Variants in CENPW observed in about 807,000 individuals in gnomAD.
The protein encoded by CENPW is cancer-up-regulated gene 2 protein.
A neutral mutation model predicts 11.1 loss-of-function variants in CENPW; 3 were observed. The ratio of observed to expected loss-of-function variants is 0.27; its 90% CI spans 0.12 to 0.70. The LOEUF (loss-of-function observed/expected upper bound fraction) is 0.70. Ranked by LOEUF, CENPW falls within the 30% of genes least tolerant of loss-of-function variation. The pLI is 0.77. For missense variants in CENPW, 100 were observed against 105.6 expected (o/e 0.95, Z 0.23); for synonymous variants, 38 against 42.0 (o/e 0.91, Z 0.37).
the CENPW span, among the ~76,000 whole-genome samples, chr6:126,475,654 C>A: frequency 1.3e-5 from 2 of 151,896 alleles, no homozygotes; most frequent in Admixed American, 6.6e-5. Flanking sequence ...GTCACTTAAC[C>A]TTTCTTATGT....
chr6:126,432,380 C>A, the CENPW span, among the ~76,000 whole-genome samples: 2 of 152,166 alleles, frequency 1.3e-5, no homozygotes, highest in African/African-American at 4.8e-5. Flanking sequence ...TGCTGCAAGG[C>A]CATTAGCAAG....
chr6:126,445,863 T>G, the CENPW span, among the ~76,000 whole-genome samples: 1 of 151,246 alleles, frequency 6.6e-6, no homozygotes, highest in Non-Finnish European at 1.5e-5. Flanking sequence ...AAATGTTTTC[T>G]TCTCACCTAA....
At chr6:126,401,563 AGAG>A in the CENPW span, among the ~76,000 whole-genome samples, 3 of 152,028 alleles carry the variant, frequency 2.0e-5, no homozygotes, top group Admixed American at 2.0e-4. Flanking sequence ...CCACAGGAGC[AGAG>A]GAATTTTTTT....
the CENPW span, among the ~76,000 whole-genome samples, chr6:126,421,582 CT>C: frequency 0.43 from 61,575 of 143,414 alleles, 14,893 homozygotes; most frequent in East Asian, 0.95. Flanking sequence ...CTAACACTTT[CT>C]TTTTTTTTTT....
the CENPW span, among the ~76,000 whole-genome samples, chr6:126,452,569 G>A: frequency 6.6e-6 from 1 of 150,750 alleles, no homozygotes; most frequent in Non-Finnish European, 1.5e-5. Context: ...TGGGTCAATA[G>A]GAATTATATA....
intron 1 of CENPW, 190 bp downstream of exon 1, chr6:126,340,589 G>A: frequency 1.3e-6 from 1 of 753,986 alleles, no homozygotes; most frequent in Non-Finnish European, 2.1e-6. Context: ...GCGCTCAGTT[G>A]TACCGGGCCG....
the CENPW span, among the ~76,000 whole-genome samples, chr6:126,416,960 A>C: frequency 6.6e-6 from 1 of 152,212 alleles, no homozygotes; most frequent in Non-Finnish European, 1.5e-5. Context: ...TCCAGACCCC[A>C]AAATTGTAGA....
the CENPW span, among the ~76,000 whole-genome samples, chr6:126,426,298 G>A: frequency 6.6e-6 from 1 of 152,254 alleles, no homozygotes; most frequent in Non-Finnish European, 1.5e-5. Context: ...ATTTGTAGTT[G>A]TGGCTGCTTG....
chr6:126,478,535 C>G, the CENPW span, among the ~76,000 whole-genome samples: 1 of 151,946 alleles, frequency 6.6e-6, no homozygotes, highest in African/African-American at 2.4e-5. Flanking sequence ...AAAATGTGCT[C>G]TGGACAGAGT....
chr6:126,405,586 C>A, the CENPW span, among the ~76,000 whole-genome samples: 24 of 151,854 alleles, frequency 1.6e-4, no homozygotes, highest in Non-Finnish European at 2.9e-4. Context: ...CTGTTGATTG[C>A]CTTTGGTAGT....
the CENPW span, among the ~76,000 whole-genome samples, chr6:126,482,668 G>A: frequency 6.6e-6 from 1 of 151,952 alleles, no homozygotes; most frequent in Middle Eastern, 3.2e-3. Flanking sequence ...GTATTTTTGA[G>A]TGAGTGTATT....
the CENPW span, among the ~76,000 whole-genome samples, chr6:126,380,144 T>C: frequency 6.6e-6 from 1 of 152,188 alleles, no homozygotes; most frequent in Non-Finnish European, 1.5e-5. Flanking sequence ...TGGAAGTTGA[T>C]TTAAGCTCGG....
At chr6:126,419,232 T>A in the CENPW span, among the ~76,000 whole-genome samples, 1 of 151,924 alleles carries the variant, frequency 6.6e-6, no homozygotes, top group Non-Finnish European at 1.5e-5. Flanking sequence ...TGCAGGAGAG[T>A]CTAAGTTGCA....
the CENPW span, among the ~76,000 whole-genome samples, chr6:126,367,260 G>A: frequency 6.6e-6 from 1 of 152,062 alleles, no homozygotes; most frequent in East Asian, 1.9e-4. Flanking sequence ...GTGTAGTAGT[G>A]AAGTTTGGGT....
the CENPW span, among the ~76,000 whole-genome samples, chr6:126,465,804 A>AAT: frequency 6.6e-6 from 1 of 152,098 alleles, no homozygotes; most frequent in African/African-American, 2.4e-5. Context: ...GAAAATTGTT[A>AAT]ATATTAGTGG....
chr6:126,375,356 G>A, the CENPW span, among the ~76,000 whole-genome samples: 1 of 152,190 alleles, frequency 6.6e-6, no homozygotes, highest in Non-Finnish European at 1.5e-5. Context: ...TGAATGTTCT[G>A]AGCAGGCATG....
chr6:126,469,268 A>G, the CENPW span, among the ~76,000 whole-genome samples: 4 of 152,046 alleles, frequency 2.6e-5, no homozygotes, highest in Non-Finnish European at 4.4e-5. Context: ...TTCTCACAAG[A>G]TCTGAAAGTT....
the CENPW span, among the ~76,000 whole-genome samples, chr6:126,379,519 A>AT: frequency 6.6e-6 from 1 of 152,152 alleles, no homozygotes. Context: ...AATGCTCTTA[A>AT]TTTTTATTAT....
At chr6:126,362,074 C>T in the CENPW span, among the ~76,000 whole-genome samples, 4 of 152,070 alleles carry the variant, frequency 2.6e-5, no homozygotes, top group African/African-American at 7.2e-5. Flanking sequence ...TGGAGTGGGT[C>T]GACAGGGGCC....
Sources: allele counts gnomAD v4.1 joint callset (sites outside exome capture counted in the v4.1 genomes callset), GRCh38; gene constraint gnomAD v4.1.1; transcripts MANE v1.5; gene names NCBI Gene and HGNC (gene_info 2026-07-23, HGNC 2026-07-21).